Variants in ATG7 observed in about 807,000 individuals in gnomAD.
ATG7 encodes the protein autophagy related 7, also known as ubiquitin-like modifier-activating enzyme ATG7.
In ATG7, 70 loss-of-function variants were observed where a neutral mutation model predicts 82.4. The ratio of observed to expected loss-of-function variants is 0.85; its 90% CI spans 0.70 to 1.04. The LOEUF is 1.04. Among genes scored for constraint, ATG7 ranks in the 50% least tolerant of loss-of-function variants. The pLI is 0.00. For missense variants in ATG7, 792 were observed against 864.3 expected (o/e 0.92, Z 1.05); for synonymous variants, 287 against 313.0 (o/e 0.92, Z 0.88).
chr3:11,309,266 C>T (rs184165207), intron 7 of ATG7, among the ~76,000 whole-genome samples: 7 of 152,298 alleles, frequency 4.6e-5, no homozygotes, highest in African/African-American at 1.2e-4. Context: ...CCCTATGGAT[C>T]ATACTGGCAG....
chr3:11,322,410 G>A (rs1286339372), intron 9 of ATG7, among the ~76,000 whole-genome samples: 1 of 152,144 alleles, frequency 6.6e-6, no homozygotes, highest in Non-Finnish European at 1.5e-5. Context: ...ACTGTACTAG[G>A]TGAGGTTCCA....
intron 20 of ATG7, among the ~76,000 whole-genome samples, chr3:11,523,100 C>T (rs573008131): frequency 6.6e-6 from 1 of 152,188 alleles, no homozygotes; most frequent in South Asian, 2.1e-4. Flanking sequence ...GGAAATGCTT[C>T]CTTGGGTGTT....
intron 19 of ATG7, among the ~76,000 whole-genome samples, chr3:11,381,923 A>G (rs1276139881): frequency 1.3e-5 from 2 of 152,222 alleles, no homozygotes; most frequent in Non-Finnish European, 2.9e-5. Flanking sequence ...CCCAACATTA[A>G]TACTTTAAAA....
intron 7 of ATG7, among the ~76,000 whole-genome samples, chr3:11,312,190 T>C (rs1468533387): frequency 6.6e-6 from 1 of 152,162 alleles, no homozygotes; most frequent in Non-Finnish European, 1.5e-5. Flanking sequence ...TATATCTCAA[T>C]AAAAAGTCAT....
chr3:11,335,988 G>A (rs1025775406), intron 11 of ATG7, among the ~76,000 whole-genome samples: 3 of 150,864 alleles, frequency 2.0e-5, no homozygotes, highest in African/African-American at 4.9e-5. Flanking sequence ...CACCCGCCTC[G>A]GCCTCCCAAA....
At position 11,367,133 on chromosome 3, in the gene ATG7, T is replaced by A. The variant is rs138866369; in HGVS notation, c.1875+2399T>A. ...TTGTGTGGTCCCCATGTATAGGCTT[T>A]AAACAACTTTTTTCCCCCTAAGTGG... On this transcript the variant is annotated intron_variant, in intron 18 of 20. Transcript: ENST00000693202. Among the ~76,000 whole-genome samples, 532 of 152,248 alleles carry A rather than the reference T, an allele frequency of 3.5e-3. 2 individuals carry two copies. The highest frequency in any genetic ancestry group is 6.8e-3 in the Middle Eastern group (2 of 294).
chr3:11,486,797 A>G (rs2089705440), intron 20 of ATG7, among the ~76,000 whole-genome samples: 1 of 147,458 alleles, frequency 6.8e-6, no homozygotes, highest in South Asian at 2.2e-4. Flanking sequence ...TGAGATAATC[A>G]TGTGGTTTTT....
rs149828489 is a variant in ATG7 at position 11,388,832 on chromosome 3, G to A, written c.1956+8780G>A. ...GAGGGAGGAACATGGACTTGTAACT[G>A]CTACCCAGCTGCTGAAACAAGGGAG... On this transcript the variant is annotated intron_variant, in intron 19 of 20. Transcript: ENST00000693202. Among the ~76,000 whole-genome samples, 1,002 of 152,226 alleles carry A rather than the reference G, an allele frequency of 6.6e-3. 9 individuals are homozygous for A. The highest frequency in any genetic ancestry group is 0.023 in the African/African-American group (968 of 41,530).
chr3:11,275,048 A>T (rs2152615329), intron 1 of ATG7, among the ~76,000 whole-genome samples: 1 of 152,136 alleles, frequency 6.6e-6, no homozygotes, highest in East Asian at 1.9e-4. Context: ...GAAGATCTGG[A>T]TGAAGGCAGT....
In ATG7 at chr3:11,322,771, A is replaced by G. The variant is rs1304746125; in HGVS notation, c.678+7278A>G. On this transcript the variant is annotated intron_variant, in intron 9 of 20. Coordinates refer to ENST00000693202, the MANE Select transcript of ATG7 (RefSeq NM_001349232.2). ...ATCCCCTGTAGTTTTAATTATTTCC[A>G]TAGAAAAGATGTCTAGATGCGGAAT... Among the ~76,000 whole-genome samples, 5 of 152,154 alleles carry G rather than the reference A, an allele frequency of 3.3e-5. No individual in the cohort carries two copies. In the South Asian group the frequency reaches 6.2e-4, roughly 19 times the overall value.
rs11348094 is a variant in ATG7, at chr3:11,368,737, CAA to C, written c.1875+4017_1875+4018del. Among the ~76,000 whole-genome samples the C allele has an allele frequency of 2.1e-3, 278 of 132,838 alleles. 1 individual carries two copies. Among genetic ancestry groups the C allele is most frequent in the Non-Finnish European group, 2.0e-3 (122 of 61,892 alleles). The allele number at this position is 132,838 out of a possible 152,430, so 87.1% of individuals were successfully genotyped here. A position where few individuals can be genotyped will look rare whatever the true frequency, so the allele number is the denominator to read the frequency against. On this transcript the variant is annotated intron_variant, in intron 18 of 20. Coordinates refer to ENST00000693202, the MANE Select transcript of ATG7 (RefSeq NM_001349232.2). ...TGGGTAAGAGAGGGAGTCCCTGTCT[CAA>C]AAAAAAAAAAAAAGGAATCAAGGTG...
At chr3:11,477,192 C>T (rs1394249690) in intron 20 of ATG7, 48 of 1,288,676 alleles carry the variant, frequency 3.7e-5, no homozygotes, top group Middle Eastern at 2.1e-4. Context: ...AACAAATGGA[C>T]GGAAGAATCA....
At chr3:11,429,696 C>A (rs1032434537) in intron 20 of ATG7, among the ~76,000 whole-genome samples, 1 of 151,974 alleles carries the variant, frequency 6.6e-6, no homozygotes, top group East Asian at 1.9e-4. Flanking sequence ...GCCTCTAATC[C>A]TAGCACTTTG....
chr3:11,556,033 C>T lies in ATG7; in HGVS notation c.*1190C>T, dbSNP rs1460438145. On this transcript the variant is annotated 3_prime_UTR_variant, in exon 21 of 21. Transcript: ENST00000693202. ...CAGGTGCAGGGCCCGAGTCCGCCCA[C>T]CCAGCCTGGCGCTGAAACTGCACAC... The T allele has an allele frequency of 6.5e-6, 1 of 152,722 alleles. No homozygotes were observed. The highest frequency in any genetic ancestry group is 2.4e-5 in the African/African-American group (1 of 41,422). 9.5% of individuals were successfully genotyped at this position (152,722 alleles called of 1,614,324 possible).
intron 20 of ATG7, among the ~76,000 whole-genome samples, chr3:11,462,839 A>ATTTT (rs1187493630): frequency 2.9e-5 from 4 of 138,854 alleles, no homozygotes; most frequent in African/African-American, 1.1e-4. Context: ...CCTCTCAGAT[A>ATTTT]TTTTTATTTA....
the ATG7 span, among the ~76,000 whole-genome samples, chr3:11,573,101 G>A: frequency 2.6e-5 from 4 of 151,792 alleles, no homozygotes; most frequent in Non-Finnish European, 5.9e-5. Flanking sequence ...GGGAGGCGGA[G>A]GTTGCAGTGA....
At chr3:11,310,733 T>C (rs180977185) in intron 7 of ATG7, among the ~76,000 whole-genome samples, 3 of 151,626 alleles carry the variant, frequency 2.0e-5, no homozygotes, top group African/African-American at 4.8e-5. Flanking sequence ...CCCAGGTTCA[T>C]GCCATTCTCC....
At chr3:11,534,118 A>T (rs762830192) in intron 20 of ATG7, among the ~76,000 whole-genome samples, 7 of 152,236 alleles carry the variant, frequency 4.6e-5, no homozygotes, top group Non-Finnish European at 8.8e-5. Context: ...CAGTTGGCAC[A>T]GCCATGCCCC....
intron 19 of ATG7, among the ~76,000 whole-genome samples, chr3:11,390,958 GCTTCAGTTTC>G (rs777472700): frequency 7.9e-5 from 12 of 152,182 alleles, no homozygotes; most frequent in Non-Finnish European, 1.3e-4. Context: ...CAAACTTTGA[GCTTCAGTTTC>G]CTCAGGTATG....
Sources: allele counts gnomAD v4.1 joint callset (sites outside exome capture counted in the v4.1 genomes callset), GRCh38; gene constraint gnomAD v4.1.1; transcripts MANE v1.5; gene names NCBI Gene and HGNC (gene_info 2026-07-23, HGNC 2026-07-21).